TENM3: variants seen among roughly 807,000 people sequenced by gnomAD.
TENM3 encodes the protein teneurin-3.
TENM3 carries 63 observed loss-of-function variants against 255.1 expected under a neutral mutation model. That is an observed-to-expected ratio of 0.25 (90% CI 0.20 to 0.30). The LOEUF (loss-of-function observed/expected upper bound fraction) is 0.30, where lower values mean the gene tolerates loss of function less well. TENM3 is among the 10% of genes least tolerant of loss of function. TENM3 has a pLI of 1.00. For missense variants in TENM3, 2,929 were observed against 3,461.1 expected (o/e 0.85, Z 3.86); for synonymous variants, 1,306 against 1,322.3 (o/e 0.99, Z 0.27).
intron 5 of TENM3, among the ~76,000 whole-genome samples, chr4:182,646,387 C>T (rs903001342): frequency 1.3e-5 from 2 of 152,080 alleles, no homozygotes; most frequent in African/African-American, 4.8e-5. Flanking sequence ...GCTAATAATG[C>T]CCAGTACTCT....
chr4:182,454,627 A>C (rs1580605722), intron 3 of TENM3, among the ~76,000 whole-genome samples: 1 of 152,216 alleles, frequency 6.6e-6, no homozygotes, highest in African/African-American at 2.4e-5. Context: ...AAGTTTTAGT[A>C]GTTCTATTGC....
At chr4:182,041,193 G>C in the TENM3 span, among the ~76,000 whole-genome samples, 1 of 152,134 alleles carries the variant, frequency 6.6e-6, no homozygotes, top group Admixed American at 6.5e-5. Context: ...TGTGTGTGTC[G>C]TGTATGTATG....
the TENM3 span, among the ~76,000 whole-genome samples, chr4:181,458,507 C>A: frequency 2.6e-5 from 4 of 151,814 alleles, no homozygotes; most frequent in African/African-American, 4.8e-5. Context: ...ACAAGAGATG[C>A]GTGCGTAGTA....
chr4:181,946,738 A>T, the TENM3 span, among the ~76,000 whole-genome samples: 1 of 152,234 alleles, frequency 6.6e-6, no homozygotes, highest in African/African-American at 2.4e-5. Flanking sequence ...TCTATTCTAA[A>T]TGAATCATAT....
At chr4:181,522,848 T>C in the TENM3 span, 1 of 963,034 alleles carries the variant, frequency 1.0e-6, no homozygotes, top group South Asian at 1.3e-5. Flanking sequence ...CAATGCAGGC[T>C]CTAAAAGCTG....
chr4:181,780,878 A>G, the TENM3 span, among the ~76,000 whole-genome samples: 1 of 152,188 alleles, frequency 6.6e-6, no homozygotes, highest in Admixed American at 6.5e-5. Flanking sequence ...TTAAATAGGG[A>G]ATCCTTTCCC....
chr4:181,509,248 T>C, the TENM3 span, among the ~76,000 whole-genome samples: 1 of 152,088 alleles, frequency 6.6e-6, no homozygotes, highest in Admixed American at 6.6e-5. Context: ...TAAACTTGTT[T>C]GTTGAAGGGA....
intron 3 of TENM3, among the ~76,000 whole-genome samples, chr4:182,439,816 A>C (rs1772322966): frequency 6.6e-6 from 1 of 152,142 alleles, no homozygotes; most frequent in Non-Finnish European, 1.5e-5. Context: ...CACCCACACC[A>C]TTCCCTGTCC....
chr4:182,085,828 A>G, the TENM3 span, among the ~76,000 whole-genome samples: 5 of 152,204 alleles, frequency 3.3e-5, no homozygotes, highest in East Asian at 1.9e-4. Flanking sequence ...CTACATATAT[A>G]TTGCGTTTTT....
the TENM3 span, among the ~76,000 whole-genome samples, chr4:181,498,950 C>T: frequency 1.4e-4 from 22 of 152,164 alleles, no homozygotes; most frequent in African/African-American, 5.1e-4. Flanking sequence ...GATGTATTCA[C>T]ACATAGAAGT....
the TENM3 span, among the ~76,000 whole-genome samples, chr4:181,885,331 C>T: frequency 6.6e-6 from 1 of 152,164 alleles, no homozygotes; most frequent in Admixed American, 6.6e-5. Context: ...GGTGAGATGT[C>T]GGCTCACTGC....
intron 22 of TENM3, among the ~76,000 whole-genome samples, chr4:182,758,765 C>T (rs147562736): frequency 6.6e-6 from 1 of 152,184 alleles, no homozygotes; most frequent in East Asian, 1.9e-4. Context: ...GTCACCAAAA[C>T]CACAACGAGA....
chr4:181,930,605 C>G, the TENM3 span, among the ~76,000 whole-genome samples: 1 of 152,152 alleles, frequency 6.6e-6, no homozygotes, highest in Non-Finnish European at 1.5e-5. Flanking sequence ...GGAGCTGGTA[C>G]CACTCCTTCT....
At chr4:181,497,484 A>G in the TENM3 span, among the ~76,000 whole-genome samples, 1 of 152,198 alleles carries the variant, frequency 6.6e-6, no homozygotes, top group African/African-American at 2.4e-5. Flanking sequence ...GTTGAAATGA[A>G]AGAAAACATA....
the TENM3 span, among the ~76,000 whole-genome samples, chr4:182,012,003 G>T: frequency 3.9e-5 from 6 of 152,184 alleles, no homozygotes; most frequent in African/African-American, 1.4e-4. Context: ...AAGAACTGAG[G>T]CCCCCAACCG....
In TENM3 at chr4:182,570,631, C is replaced by G. The variant is rs1012390649; in HGVS notation, c.512-30293C>G. Among the ~76,000 whole-genome samples, 81 of 152,216 alleles carry G rather than the reference C, an allele frequency of 5.3e-4. 1 individual carries two copies. Among genetic ancestry groups the G allele is most frequent in the African/African-American group, 1.9e-3 (79 of 41,544 alleles). ...TTGGGAGGCCAAGGCAGGCGGATCA[C>G]GAGGTCAGGAGATCAAGACCATCCT... On this transcript the variant is annotated intron_variant, in intron 3 of 27. Transcript: ENST00000511685.
At chr4:182,139,479 C>T (rs1311122547), upstream of TENM3, among the ~76,000 whole-genome samples, 1 of 152,126 alleles carries the variant, frequency 6.6e-6, no homozygotes, top group African/African-American at 2.4e-5. Flanking sequence ...AAAAAATTGT[C>T]CTGTAGTGTC....
chr4:181,664,868 C>T, the TENM3 span, among the ~76,000 whole-genome samples: 1 of 152,184 alleles, frequency 6.6e-6, no homozygotes, highest in Admixed American at 6.5e-5. Context: ...GCTGCTTTAC[C>T]CCCATGCTCC....
chr4:182,271,786 C>T (rs928274834), intron 1 of TENM3, among the ~76,000 whole-genome samples: 1 of 152,166 alleles, frequency 6.6e-6, no homozygotes, highest in African/African-American at 2.4e-5. Flanking sequence ...ACTGATTTGC[C>T]AAACCCCACA....
Sources: gnomAD v4.1 joint callset for allele counts (sites outside exome capture counted in the v4.1 genomes callset) on GRCh38, gnomAD v4.1.1 for gene constraint, MANE v1.5 for transcripts, NCBI Gene and HGNC (gene_info 2026-07-23, HGNC 2026-07-21) for gene names.